Variants in ERMN observed in about 807,000 individuals in gnomAD.
ERMN encodes the protein ermin, ERM-like protein.
Under a neutral mutation model 21.4 loss-of-function variants are expected in ERMN, and 17 were observed. That is an observed-to-expected ratio of 0.80 (90% confidence interval 0.54 to 1.19). The LOEUF is 1.19. ERMN is among the 50% of genes most tolerant of loss of function. ERMN has a pLI of 0.00. For synonymous variants in ERMN, 115 were observed against 111.9 expected, an observed-to-expected ratio of 1.03 and a Z score of -0.17; for missense variants, 348 against 331.6, an observed-to-expected ratio of 1.05 and a Z score of -0.38.
At chr2:157,322,640 C>T (rs1010303644) in intron 2 of ERMN, among the ~76,000 whole-genome samples, 5 of 152,154 alleles carry the variant, frequency 3.3e-5, no homozygotes, top group Admixed American at 6.5e-5. Context: ...CTACTCTCTC[C>T]GAAAGATGTT....
At position 157,321,389 on chromosome 2, in the gene ERMN, T is replaced by G. The variant is rs1240611440; in HGVS notation, c.737A>C (p.Lys246Thr). The G allele has an allele frequency of 5.0e-6, 8 of 1,614,050 alleles. No individual in the cohort carries two copies. Among genetic ancestry groups the G allele is most frequent in the Non-Finnish European group, 6.8e-6 (8 of 1,180,016 alleles). ...AGCATTTCTGGAGATATCACTCTTC[T>G]TCCCTAAGGTTGGCTGCTCATCAGG... ...VTPDEQPTLG[K>T]KSDISRNAYS... Residue 246 changes from lysine (K) to threonine (T), a missense_variant, in exon 3 of 3, where the codon AAG becomes ACG. Physicochemically the swap from Lys to Thr is moderately conservative, Grantham distance 78 (BLOSUM62 -1). Transcript: ENST00000410096.
intron 2 of ERMN, among the ~76,000 whole-genome samples, chr2:157,323,380 T>A (rs1683966424): frequency 6.6e-6 from 1 of 152,210 alleles, no homozygotes; most frequent in Non-Finnish European, 1.5e-5. Context: ...TCTTAAAAAT[T>A]ATCTCTGGTA....
Position 157,320,857 on chromosome 2 carries a change from T to G in ERMN, c.*414A>C, listed in dbSNP as rs1415156771. 6.4e-6 allele frequency: 1 copy of G among 157,450 alleles called. No homozygotes were observed. 9.8% of individuals were successfully genotyped at this position (157,450 alleles called of 1,614,324 possible). On this transcript the variant is annotated 3_prime_UTR_variant, in exon 3 of 3. Coordinates refer to ENST00000410096, the MANE Select transcript of ERMN (RefSeq NM_020711.3). ...TAAGAGAGGTTTTAATACCAGACTT[T>G]CCATCACTCCAATGTACAGGAAGAA...
Position 157,321,081 on chromosome 2 carries a change from T to A in ERMN, c.*190A>T. 1 of 805,678 alleles carries A rather than the reference T, an allele frequency of 1.2e-6. No homozygotes were observed. The highest frequency in any genetic ancestry group is 1.9e-6 in the Non-Finnish European group (1 of 539,374). The allele number at this position is 805,678 out of a possible 1,614,324, so 49.9% of individuals were successfully genotyped here. A position where few individuals can be genotyped will look rare whatever the true frequency, so the allele number is the denominator to read the frequency against. On this transcript the variant is annotated 3_prime_UTR_variant, in exon 3 of 3. Transcript: ENST00000410096. ...AAATGCCCAAGAATTTATTTAAAGC[T>A]TTTTGATTTGAGGTTATCAGACTGA...
chr2:157,321,422 G>T lies in ERMN; in HGVS notation c.704C>A (p.Ala235Asp). The change falls in exon 3 of 3, where the codon GCT (alanine) becomes GAT (aspartate). Residue 235 changes from alanine (A) to aspartate (D), a missense_variant. Ala to Asp is a moderately radical substitution (Grantham distance 126). Transcript: ENST00000410096. ...GGTTGGCTGCTCATCAGGTGTCACAGCTTGGGAACTGGCACTGCTCAGTGG... is the reference window on the plus strand; with the variant it reads ...GGTTGGCTGCTCATCAGGTGTCACATCTTGGGAACTGGCACTGCTCAGTGG... ...DSPLSSASSQAVTPDEQPTLG... is the reference protein window; with the variant it reads ...DSPLSSASSQDVTPDEQPTLG... 2 of 1,614,134 alleles carry T rather than the reference G, an allele frequency of 1.2e-6. No homozygotes were observed. The highest frequency in any genetic ancestry group is 1.1e-5 in the South Asian group (1 of 91,076).
intron 2 of ERMN, 143 bp from the exon 3 acceptor site, chr2:157,321,934 T>A (rs1431258396): frequency 2.7e-6 from 2 of 741,472 alleles, no homozygotes; most frequent in Non-Finnish European, 2.1e-6. Flanking sequence ...GTTACCAATA[T>A]GTTTTGCACA....
chr2:157,325,711 T>C lies in ERMN; in HGVS notation c.-69A>G, dbSNP rs1684054725. The C allele has an allele frequency of 6.2e-7, 1 of 1,605,810 alleles. No individual in the cohort carries two copies. The highest frequency in any genetic ancestry group is 8.5e-7 in the Non-Finnish European group (1 of 1,174,144). ...CTGAGTGAGTAGATCCTTGATAAGA[T>C]ACCTGCTCTTGCCTTCAAGTCCTAT... On this transcript the variant is annotated 5_prime_UTR_variant, in exon 1 of 3. Transcript: ENST00000410096.
At position 157,319,964 on chromosome 2, in the gene ERMN, T is replaced by C. The variant is rs1013404166; in HGVS notation, c.*1307A>G. 4.6e-5 allele frequency: 7 copies of C among 152,158 alleles called. No individual in the cohort carries two copies. Among genetic ancestry groups the C allele is most frequent in the Non-Finnish European group, 1.0e-4 (7 of 68,014 alleles). The allele number at this position is 152,158 out of a possible 1,614,324, so 9.4% of individuals were successfully genotyped here. On this transcript the variant is annotated 3_prime_UTR_variant, in exon 3 of 3. Coordinates refer to ENST00000410096, the MANE Select transcript of ERMN (RefSeq NM_020711.3). ...AAAAAGAAAGAAACAAAGGGTTGAA[T>C]AGTACAATGAAGACTGTATTACATT... is the stretch of plus-strand genomic sequence containing the variant.
intron 2 of ERMN, among the ~76,000 whole-genome samples, chr2:157,322,478 G>T (rs1382746451): frequency 6.6e-6 from 1 of 152,168 alleles, no homozygotes; most frequent in Non-Finnish European, 1.5e-5. Context: ...GGCTTCTGTG[G>T]GAAGTTTCAG....
At chr2:157,327,547 G>C (rs114049002), upstream of ERMN, 102 of 760,562 alleles carry the variant, frequency 1.3e-4, 1 homozygote, top group African/African-American at 1.5e-3. Flanking sequence ...AGTGCAGAGA[G>C]ATTAAGGAGT....
chr2:157,322,604 T>C (rs1023031930), intron 2 of ERMN, among the ~76,000 whole-genome samples: 3 of 152,230 alleles, frequency 2.0e-5, no homozygotes, highest in Non-Finnish European at 4.4e-5. Flanking sequence ...GCAATGTTCC[T>C]CTTTGTCTTT....
chr2:157,321,795 T>C lies in ERMN; in HGVS notation c.335-4A>G, dbSNP rs745938470. 3 of 1,595,998 alleles carry C rather than the reference T, an allele frequency of 1.9e-6. No individual in the cohort carries two copies. The highest frequency in any genetic ancestry group is 1.7e-6 in the Non-Finnish European group (2 of 1,173,136). On this transcript the variant is annotated splice_region_variant and splice_polypyrimidine_tract_variant and intron_variant, in intron 2 of 2. Coordinates refer to ENST00000410096, the MANE Select transcript of ERMN (RefSeq NM_020711.3). Reference sequence around the variant, plus strand: ...GGAATCTTCTCCCACTGATGCCCTGTAGCAAAATCAATTGGTAGATGAGAT... The same window carrying C: ...GGAATCTTCTCCCACTGATGCCCTGCAGCAAAATCAATTGGTAGATGAGAT...
intron 2 of ERMN, among the ~76,000 whole-genome samples, chr2:157,323,902 A>C (rs1301583231): frequency 2.0e-5 from 3 of 152,202 alleles, no homozygotes; most frequent in Non-Finnish European, 4.4e-5. Flanking sequence ...ATAGTTAACA[A>C]TTTTGTATTT....
chr2:157,326,011 T>A, upstream of ERMN: 1 of 955,578 alleles, frequency 1.0e-6, no homozygotes, highest in Non-Finnish European at 1.3e-6. Flanking sequence ...TTTCAGCTTG[T>A]CAGTCCCCCT....
rs1235644769 is a variant in ERMN, at chr2:157,319,061, A to T, written c.*2210T>A. On this transcript the variant is annotated 3_prime_UTR_variant, in exon 3 of 3. Transcript: ENST00000410096. ...AAGACTCAAATGGCCAACCATCACC[A>T]TTATGTTACCTGAGGTCACTTAACT... 1.3e-5 allele frequency: 2 copies of T among 152,138 alleles called. No homozygotes were observed. The highest frequency in any genetic ancestry group is 2.9e-5 in the Non-Finnish European group (2 of 68,038). The allele number at this position is 152,138 out of a possible 1,614,324, so 9.4% of individuals were successfully genotyped here. A position where few individuals can be genotyped will look rare whatever the true frequency, so the allele number is the denominator to read the frequency against.
At position 157,318,918 on chromosome 2, in the gene ERMN, A is replaced by G. The variant is rs1683792172; in HGVS notation, c.*2353T>C. 1 of 152,198 alleles carries G rather than the reference A, an allele frequency of 6.6e-6. No homozygotes were observed. The highest frequency in any genetic ancestry group is 1.5e-5 in the Non-Finnish European group (1 of 68,038). The allele number at this position is 152,198 out of a possible 1,614,324, so 9.4% of individuals were successfully genotyped here. The stretch of plus-strand genomic sequence containing the variant: ...CTGAACTTTGAATCACAAAAGCTCA[A>G]GTAAACCTTCATGTGTAGCTACCAG... On this transcript the variant is annotated 3_prime_UTR_variant, in exon 3 of 3. Transcript: ENST00000410096.
At chr2:157,327,104 A>G (rs1339139616), upstream of ERMN, 1 of 149,628 alleles carries the variant, frequency 6.7e-6, no homozygotes, top group Non-Finnish European at 1.5e-5. Context: ...GAATTATATT[A>G]TATATATAAT....
At chr2:157,326,000 C>G, upstream of ERMN, 1 of 1,049,656 alleles carries the variant, frequency 9.5e-7, no homozygotes, top group African/African-American at 1.6e-5. Flanking sequence ...TAGAGAGGGA[C>G]TTTCAGCTTG....
chr2:157,327,317 C>G, upstream of ERMN: 1 of 613,690 alleles, frequency 1.6e-6, no homozygotes, highest in Admixed American at 2.5e-5. Flanking sequence ...TCTAATAGAT[C>G]CTAGATCTCC....
Sources: gnomAD v4.1 joint callset for allele counts (sites outside exome capture counted in the v4.1 genomes callset) on GRCh38, gnomAD v4.1.1 for gene constraint, MANE v1.5 for transcripts, NCBI Gene and HGNC (gene_info 2026-07-23, HGNC 2026-07-21) for gene names.